KIF6: variants seen among roughly 807,000 people sequenced by gnomAD.
The protein encoded by KIF6 is kinesin family member 6, also known as kinesin-like protein KIF6.
In KIF6, 106 loss-of-function variants were observed where a neutral mutation model predicts 112.7. The ratio of observed to expected loss-of-function variants is 0.94; its 90% CI spans 0.80 to 1.11. The LOEUF (loss-of-function observed/expected upper bound fraction) is 1.11. KIF6 is among the 50% of genes least tolerant of loss of function. The pLI, the probability that KIF6 is intolerant of heterozygous loss-of-function variation, is 0.00. For synonymous variants in KIF6, 339 were observed against 339.9 expected (o/e 1.00, Z 0.03); for missense variants, 929 against 964.0 (o/e 0.96, Z 0.48).
Position 39,357,316 on chromosome 6 carries a change from T to G in KIF6, c.2141A>C (p.Asp714Ala). 1 of 1,613,972 alleles carries G rather than the reference T, an allele frequency of 6.2e-7. No homozygotes were observed. The highest frequency in any genetic ancestry group is 8.5e-7 in the Non-Finnish European group (1 of 1,179,912). Reference sequence around the variant, plus strand: ...GAGTTGGGACCATTCATGCTGGGAGTCAGATGTCTGGAGAAATGGCTTCGT... The same window carrying G: ...GAGTTGGGACCATTCATGCTGGGAGGCAGATGTCTGGAGAAATGGCTTCGT... Reference protein sequence around the residue: ...DHTKPFLQTSDSQHEWSQLLS... With the variant: ...DHTKPFLQTSASQHEWSQLLS... The change falls in exon 19 of 23, where the codon GAC becomes GCC. Residue 714 changes from aspartate (D) to alanine (A), a missense_variant. Physicochemically the swap from Asp to Ala is moderately radical, Grantham distance 126. Coordinates refer to ENST00000287152, the MANE Select transcript of KIF6 (RefSeq NM_145027.6).
At chr6:39,630,966 C>G (rs1282074436) in intron 5 of KIF6, among the ~76,000 whole-genome samples, 1 of 151,920 alleles carries the variant, frequency 6.6e-6, no homozygotes, top group African/African-American at 2.4e-5. Flanking sequence ...ATGCCATGGA[C>G]TACATTAATT....
intron 10 of KIF6, among the ~76,000 whole-genome samples, chr6:39,571,439 T>G (rs1205493620): frequency 6.6e-6 from 1 of 152,234 alleles, no homozygotes; most frequent in Admixed American, 6.5e-5. Flanking sequence ...AACTCCTGTT[T>G]TATTTTTCCT....
At chr6:39,629,704 A>G (rs1784264892) in intron 5 of KIF6, among the ~76,000 whole-genome samples, 1 of 152,110 alleles carries the variant, frequency 6.6e-6, no homozygotes. Flanking sequence ...AGTTCAACTT[A>G]TAAATTTTTA....
At chr6:39,337,172 C>CTTCTTTCTTTCTTTCCTTCCTTCTTTCT (rs1763015253) in intron 22 of KIF6, among the ~76,000 whole-genome samples, 1 of 59,504 alleles carries the variant, frequency 1.7e-5, no homozygotes, top group African/African-American at 9.1e-5. Context: ...TCTTTCCTTC[C>CTTCTTTCTTTCTTTCCTTCCTTCTTTCT]TTCTTTCTTT....
intron 22 of KIF6, among the ~76,000 whole-genome samples, chr6:39,339,250 C>T (rs1356727677): frequency 6.6e-6 from 1 of 152,100 alleles, no homozygotes; most frequent in Non-Finnish European, 1.5e-5. Flanking sequence ...TTCCTTGGTG[C>T]TTGGGAGTTG....
At chr6:39,453,508 T>C (rs1772837593) in intron 13 of KIF6, among the ~76,000 whole-genome samples, 1 of 152,204 alleles carries the variant, frequency 6.6e-6, no homozygotes, top group African/African-American at 2.4e-5. Context: ...CTTTCTAAAT[T>C]ACTTTCAATT....
chr6:39,714,231 G>A (rs1018394842), intron 3 of KIF6, among the ~76,000 whole-genome samples: 3 of 152,182 alleles, frequency 2.0e-5, no homozygotes, highest in Admixed American at 1.3e-4. Flanking sequence ...GCTTTGAAAT[G>A]ACACTGAGGT....
intron 6 of KIF6, among the ~76,000 whole-genome samples, chr6:39,605,610 C>G (rs764050794): frequency 6.6e-6 from 1 of 152,016 alleles, no homozygotes; most frequent in African/African-American, 2.4e-5. Context: ...AAAATATATA[C>G]TGTGAAACTT....
intron 10 of KIF6, among the ~76,000 whole-genome samples, chr6:39,577,576 T>A (rs192496981): frequency 1.3e-5 from 2 of 152,342 alleles, no homozygotes; most frequent in East Asian, 3.9e-4. Context: ...CCTGAATACC[T>A]GCTTTCATTC....
At chr6:39,369,542 A>G (rs1765811160) in intron 16 of KIF6, among the ~76,000 whole-genome samples, 1 of 152,022 alleles carries the variant, frequency 6.6e-6, no homozygotes, top group Non-Finnish European at 1.5e-5. Flanking sequence ...GCCATCCACC[A>G]TCTCTTCCTG....
intron 15 of KIF6, among the ~76,000 whole-genome samples, chr6:39,419,353 CAA>C (rs10682536): frequency 1.4e-4 from 10 of 73,752 alleles, no homozygotes; most frequent in African/African-American, 4.2e-4. Context: ...GACTCTGTCT[CAA>C]AAAAAAAAAA....
chr6:39,409,019 A>G (rs1769290067), intron 15 of KIF6, among the ~76,000 whole-genome samples: 1 of 152,102 alleles, frequency 6.6e-6, no homozygotes, highest in Admixed American at 6.6e-5. Context: ...ATCCCTTACT[A>G]GCAATAAAGG....
At chr6:39,633,929 C>T (rs1784484019) in intron 5 of KIF6, among the ~76,000 whole-genome samples, 1 of 152,070 alleles carries the variant, frequency 6.6e-6, no homozygotes, top group Admixed American at 6.6e-5. Context: ...ACAACAGATC[C>T]CATTAAAATA....
chr6:39,349,297 C>G (rs1329533739), intron 19 of KIF6, among the ~76,000 whole-genome samples: 1 of 152,076 alleles, frequency 6.6e-6, no homozygotes, highest in Non-Finnish European at 1.5e-5. Flanking sequence ...AGGCCTTGCC[C>G]AGGGGCTACT....
At chr6:39,354,435 G>C (rs184520251) in intron 19 of KIF6, among the ~76,000 whole-genome samples, 8 of 152,166 alleles carry the variant, frequency 5.3e-5, no homozygotes, top group African/African-American at 1.9e-4. Flanking sequence ...AAGAAGTTAT[G>C]TCCTTACCTC....
At chr6:39,535,499 A>T (rs1014206582) in intron 13 of KIF6, among the ~76,000 whole-genome samples, 1 of 152,240 alleles carries the variant, frequency 6.6e-6, no homozygotes, top group African/African-American at 2.4e-5. Context: ...GATCTATTCA[A>T]CAAGAAGAGC....
intron 18 of KIF6, among the ~76,000 whole-genome samples, chr6:39,357,937 C>T (rs111558241): frequency 2.6e-5 from 4 of 152,156 alleles, no homozygotes; most frequent in South Asian, 2.1e-4. Flanking sequence ...AAGTTTTCCA[C>T]GTTGAACATG....
At chr6:39,403,677 T>C (rs1044268461) in intron 15 of KIF6, among the ~76,000 whole-genome samples, 4 of 152,316 alleles carry the variant, frequency 2.6e-5, no homozygotes, top group African/African-American at 9.6e-5. Context: ...GTAGTTGGCT[T>C]GTATGGTATG....
intron 7 of KIF6, among the ~76,000 whole-genome samples, chr6:39,593,153 A>C (rs757042466): frequency 4.6e-5 from 7 of 152,150 alleles, no homozygotes; most frequent in Non-Finnish European, 8.8e-5. Context: ...TCATTGTCTA[A>C]CGTAACTCAC....
Sources: gnomAD v4.1 joint callset for allele counts (sites outside exome capture counted in the v4.1 genomes callset) on GRCh38, gnomAD v4.1.1 for gene constraint, MANE v1.5 for transcripts, NCBI Gene and HGNC (gene_info 2026-07-23, HGNC 2026-07-21) for gene names.